EYA1: variants seen among roughly 807,000 people sequenced by gnomAD.
The protein encoded by EYA1 is EYA transcriptional coactivator and phosphatase 1, also known as protein phosphatase EYA1.
In EYA1, 16 loss-of-function variants were observed where a neutral mutation model predicts 82.0. The ratio of observed to expected loss-of-function variants is 0.20; its 90% CI spans 0.13 to 0.30. The LOEUF is 0.30. Among genes scored for constraint, EYA1 ranks in the 10% least tolerant of loss-of-function variants. The probability of loss-of-function intolerance (pLI) is 1.00; values close to 1 mark genes in which losing one functional copy is unlikely to be tolerated. For missense variants in EYA1, 633 were observed against 730.7 expected, an observed-to-expected ratio of 0.87 and a Z score of 1.54; for synonymous variants, 261 against 264.4, an observed-to-expected ratio of 0.99 and a Z score of 0.12.
intron 4 of EYA1, among the ~76,000 whole-genome samples, chr8:71,324,490 A>T (rs1174484251): frequency 1.3e-5 from 2 of 152,186 alleles, no homozygotes; most frequent in Middle Eastern, 3.2e-3. Context: ...TAGGATTGTC[A>T]TGAAGACTGA....
At chr8:71,374,491 C>T (rs908252688) in intron 2 of EYA1, among the ~76,000 whole-genome samples, 1 of 151,974 alleles carries the variant, frequency 6.6e-6, no homozygotes, top group Non-Finnish European at 1.5e-5. Context: ...TAAGAAGTGT[C>T]GATGAACGTG....
At position 71,271,802 on chromosome 8, in the gene EYA1, G is replaced by C. The variant is rs121909195; in HGVS notation, c.922C>G (p.Arg308Gly). 1 of 1,614,056 alleles carries C rather than the reference G, an allele frequency of 6.2e-7. No homozygotes were observed. The change falls in exon 10 of 18, where the codon CGA becomes GGA. Residue 308 changes from arginine (R) to glycine (G), a missense_variant. Coordinates refer to ENST00000340726, the MANE Select transcript of EYA1 (RefSeq NM_000503.6). ...GGAGGTGAAGGATTATTGTTTCTTCGGCCCCGTCCACGTGATTTCCCATCT... is the reference window on the plus strand; with the variant it reads ...GGAGGTGAAGGATTATTGTTTCTTCCGCCCCGTCCACGTGATTTCCCATCT... ...GSDGKSRGRG[R>G]RNNNPSPPPD...
chr8:71,382,982 T>C (rs1056017479), intron 2 of EYA1, among the ~76,000 whole-genome samples: 1 of 152,112 alleles, frequency 6.6e-6, no homozygotes, highest in Non-Finnish European at 1.5e-5. Flanking sequence ...CTTTAAAAAA[T>C]TCTAAGCCTA....
intron 2 of EYA1, among the ~76,000 whole-genome samples, chr8:71,386,659 C>T (rs908369996): frequency 6.6e-5 from 10 of 152,096 alleles, no homozygotes; most frequent in African/African-American, 2.4e-4. Context: ...TTGTTTTTCT[C>T]CATTGTGTAT....
intron 2 of EYA1, among the ~76,000 whole-genome samples, chr8:71,476,652 T>C (rs999068048): frequency 2.2e-5 from 3 of 137,822 alleles, no homozygotes; most frequent in Admixed American, 2.2e-4. Flanking sequence ...ACCCCCCAAA[T>C]TGATCTACAC....
Position 71,523,210 on chromosome 8 carries a change from G to A in EYA1, c.33+12534C>T, listed in dbSNP as rs59379680. 8.9e-4 allele frequency among the ~76,000 whole-genome samples: 106 copies of A among 118,774 alleles called. 1 individual carries two copies. The highest frequency in any genetic ancestry group is 3.5e-3 in the African/African-American group (101 of 28,864). 77.9% of individuals were successfully genotyped at this position (118,774 alleles called of 152,430 possible). A position where few individuals can be genotyped will look rare whatever the true frequency, so the allele number is the denominator to read the frequency against. On this transcript the variant is annotated intron_variant, in intron 2 of 18. Coordinates refer to the EYA1 transcript ENST00000643681. Reference sequence around the variant, plus strand: ...TTTTTTTTTTTTGAGACGGAGTCTCGCTTTGTCATCCAGGCTGGAATGCAG... The same window carrying A: ...TTTTTTTTTTTTGAGACGGAGTCTCACTTTGTCATCCAGGCTGGAATGCAG...
chr8:71,387,299 AAAC>A (rs1398229536), intron 2 of EYA1, among the ~76,000 whole-genome samples: 1 of 152,202 alleles, frequency 6.6e-6, no homozygotes, highest in African/African-American at 2.4e-5. Context: ...TAGAAGATAG[AAAC>A]AACATGATGT....
At chr8:71,428,278 A>T (rs1487523642) in intron 2 of EYA1, among the ~76,000 whole-genome samples, 1 of 152,166 alleles carries the variant, frequency 6.6e-6, no homozygotes, top group Non-Finnish European at 1.5e-5. Flanking sequence ...TATTTAATGT[A>T]ACATCAGTTG....
chr8:71,248,651 C>T (rs949325356), intron 11 of EYA1, among the ~76,000 whole-genome samples: 12 of 152,198 alleles, frequency 7.9e-5, no homozygotes, highest in African/African-American at 2.7e-4. Flanking sequence ...CAAGAGGAAA[C>T]TAGCAGAAGG....
intron 2 of EYA1, among the ~76,000 whole-genome samples, chr8:71,463,361 C>T (rs12542761): frequency 0.095 from 14,521 of 152,170 alleles, 1,490 homozygotes; most frequent in East Asian, 0.48. Context: ...ATAGAATGGA[C>T]TGCCTTGTAA....
chr8:71,358,555 G>A (rs1263016602), intron 1 of EYA1, among the ~76,000 whole-genome samples: 2 of 152,130 alleles, frequency 1.3e-5, no homozygotes, highest in Non-Finnish European at 2.9e-5. Context: ...CCACATCGTG[G>A]TCCAGGAAAA....
intron 9 of EYA1, 48 bp downstream of exon 9, chr8:71,298,999 A>G: frequency 6.3e-7 from 1 of 1,579,052 alleles, no homozygotes; most frequent in Non-Finnish European, 8.7e-7. Flanking sequence ...AATGCATTGA[A>G]ACCATTGAAA....
chr8:71,290,983 A>C (rs887626351), intron 9 of EYA1, among the ~76,000 whole-genome samples: 1 of 152,216 alleles, frequency 6.6e-6, no homozygotes, highest in East Asian at 1.9e-4. Context: ...GAAATAGTTT[A>C]TTTTTGAGCT....
Position 71,255,431 on chromosome 8 carries a change from A to G in EYA1, c.1051-10739T>C, listed in dbSNP as rs77904620. On this transcript the variant is annotated intron_variant, in intron 11 of 17. Coordinates refer to ENST00000340726, the MANE Select transcript of EYA1 (RefSeq NM_000503.6). Reference sequence around the variant, plus strand: ...CCAATGGAATATAGAGAGAGACCAGAAATAAGCCCTCACATGTATGATAAG... The same window carrying G: ...CCAATGGAATATAGAGAGAGACCAGGAATAAGCCCTCACATGTATGATAAG... 5.9e-3 allele frequency among the ~76,000 whole-genome samples: 895 copies of G among 152,358 alleles called. 12 individuals are homozygous for G. The highest frequency in any genetic ancestry group is 0.02 in the African/African-American group (842 of 41,586).
intron 2 of EYA1, among the ~76,000 whole-genome samples, chr8:71,533,497 G>C (rs1446822318): frequency 1.3e-5 from 2 of 152,208 alleles, no homozygotes; most frequent in Non-Finnish European, 2.9e-5. Flanking sequence ...GAGCACTTGG[G>C]ATACTGGTCC....
intron 2 of EYA1, among the ~76,000 whole-genome samples, chr8:71,475,387 G>A (rs1269011167): frequency 2.6e-5 from 4 of 152,116 alleles, no homozygotes; most frequent in African/African-American, 9.7e-5. Context: ...TGTCCAGAAT[G>A]AATATTTTTA....
At chr8:71,238,212 A>C (rs777638053) in intron 12 of EYA1, among the ~76,000 whole-genome samples, 13 of 152,166 alleles carry the variant, frequency 8.5e-5, no homozygotes, top group Non-Finnish European at 1.8e-4. Context: ...TTTATTTAAA[A>C]CATACACAAT....
intron 2 of EYA1, among the ~76,000 whole-genome samples, chr8:71,398,804 C>A (rs1241741562): frequency 6.6e-6 from 1 of 152,200 alleles, no homozygotes; most frequent in African/African-American, 2.4e-5. Context: ...GCTGGGAGAA[C>A]CACTACTCTC....
At chr8:71,411,632 T>G (rs1315500419) in intron 2 of EYA1, among the ~76,000 whole-genome samples, 2 of 151,706 alleles carry the variant, frequency 1.3e-5, no homozygotes, top group Non-Finnish European at 2.9e-5. Context: ...GAAAAAATGC[T>G]CATCATCACT....
Sources: gnomAD v4.1 joint callset for allele counts (sites outside exome capture counted in the v4.1 genomes callset) on GRCh38, gnomAD v4.1.1 for gene constraint, MANE v1.5 for transcripts, NCBI Gene and HGNC (gene_info 2026-07-23, HGNC 2026-07-21) for gene names.